Variants in RABGAP1L observed in about 807,000 individuals in gnomAD.
RABGAP1L encodes the protein RAB GTPase activating protein 1 like.
Under a neutral mutation model 137.7 loss-of-function variants are expected in RABGAP1L, and 63 were observed. The ratio of observed to expected loss-of-function variants is 0.46; its 90% CI spans 0.37 to 0.56. The LOEUF is 0.56. RABGAP1L is among the 20% of genes least tolerant of loss of function. The pLI, the probability that RABGAP1L is intolerant of heterozygous loss-of-function variation, is 0.00. For synonymous variants in RABGAP1L, 431 were observed against 433.7 expected (o/e 0.99, Z 0.08); for missense variants, 1,095 against 1,244.0 (o/e 0.88, Z 1.80).
chr1:174,753,560 G>A (rs1276077247), intron 18 of RABGAP1L, among the ~76,000 whole-genome samples: 5 of 151,926 alleles, frequency 3.3e-5, no homozygotes, highest in Non-Finnish European at 5.9e-5. Context: ...TATTTTTTAT[G>A]CCAAAGCTAT....
Position 174,470,976 on chromosome 1 carries a change from CT to C in RABGAP1L, c.1710+76837del, listed in dbSNP as rs966957462. ...AAGAGTACTGACATTACATATTAAG[CT>C]TTTTTGTATCCCCTGGGGTAACTAA... On this transcript the variant is annotated intron_variant, in intron 13 of 25. Coordinates refer to ENST00000681986, the MANE Select transcript of RABGAP1L (RefSeq NM_001366446.1). 5.3e-5 allele frequency among the ~76,000 whole-genome samples: 8 copies of C among 152,006 alleles called. No individual in the cohort carries two copies. In the East Asian group the frequency reaches 1.5e-3, roughly 29 times the overall value.
chr1:174,908,391 A>C (rs1659466681), intron 19 of RABGAP1L, among the ~76,000 whole-genome samples: 1 of 152,240 alleles, frequency 6.6e-6, no homozygotes, highest in Admixed American at 6.5e-5. Flanking sequence ...AATAGACCAT[A>C]TCTTAGACCA....
intron 19 of RABGAP1L, among the ~76,000 whole-genome samples, chr1:174,821,044 T>C (rs1690973575): frequency 6.6e-6 from 1 of 151,166 alleles, no homozygotes; most frequent in Non-Finnish European, 1.5e-5. Context: ...AAAACTGCCC[T>C]GTGCTCATAA....
At chr1:174,625,204 A>T (rs1374510599) in intron 13 of RABGAP1L, among the ~76,000 whole-genome samples, 1 of 151,938 alleles carries the variant, frequency 6.6e-6, no homozygotes, top group East Asian at 1.9e-4. Flanking sequence ...ACTTTTTACT[A>T]ACCAATCAAC....
intron 10 of RABGAP1L, among the ~76,000 whole-genome samples, chr1:174,287,488 T>A (rs1376914562): frequency 6.6e-6 from 1 of 152,206 alleles, no homozygotes; most frequent in African/African-American, 2.4e-5. Flanking sequence ...TCAGTCACTC[T>A]ATATCTTTGT....
intron 11 of RABGAP1L, among the ~76,000 whole-genome samples, chr1:174,358,788 T>C (rs1683877444): frequency 6.6e-6 from 1 of 152,236 alleles, no homozygotes; most frequent in Admixed American, 6.5e-5. Context: ...TTAATGGATT[T>C]TCCTTTGTCC....
At chr1:174,347,941 T>C (rs1682602824) in intron 11 of RABGAP1L, among the ~76,000 whole-genome samples, 1 of 152,216 alleles carries the variant, frequency 6.6e-6, no homozygotes, top group Non-Finnish European at 1.5e-5. Context: ...TCATTGGGTC[T>C]TATTTTTTAA....
intron 18 of RABGAP1L, among the ~76,000 whole-genome samples, chr1:174,785,012 C>T (rs1186384638): frequency 6.6e-6 from 1 of 152,202 alleles, no homozygotes; most frequent in Non-Finnish European, 1.5e-5. Context: ...GAATATACTA[C>T]AGTATTTCAC....
At chr1:174,843,556 CTCA>C (rs1202399488) in intron 19 of RABGAP1L, among the ~76,000 whole-genome samples, 1 of 134,824 alleles carries the variant, frequency 7.4e-6, no homozygotes, top group Non-Finnish European at 1.6e-5. Flanking sequence ...AGGACATGAA[CTCA>C]TCATTTTTTA....
intron 14 of RABGAP1L, among the ~76,000 whole-genome samples, chr1:174,674,723 A>G (rs898292790): frequency 4.2e-4 from 64 of 151,530 alleles, no homozygotes; most frequent in Non-Finnish European, 2.2e-4. Flanking sequence ...AAGTGTTCCT[A>G]TTTCTCCACA....
intron 11 of RABGAP1L, among the ~76,000 whole-genome samples, chr1:174,359,098 A>G (rs1233570974): frequency 1.3e-5 from 2 of 151,932 alleles, no homozygotes; most frequent in Non-Finnish European, 2.9e-5. Flanking sequence ...TTCTATGTAT[A>G]ATGGGATACA....
At chr1:174,318,622 TTCTTTCTTTCTTTTTC>T (rs1481091925) in intron 11 of RABGAP1L, among the ~76,000 whole-genome samples, 1 of 148,010 alleles carries the variant, frequency 6.8e-6, no homozygotes, top group African/African-American at 2.5e-5. Context: ...CTTTCTTTCT[TTCTTTCTTTCTTTTTC>T]TTTCTTTTTT....
At chr1:174,928,356 A>G (rs1213978350) in intron 19 of RABGAP1L, among the ~76,000 whole-genome samples, 3 of 151,768 alleles carry the variant, frequency 2.0e-5, no homozygotes, top group Non-Finnish European at 4.4e-5. Flanking sequence ...TTATTCATTT[A>G]TGTATTTATT....
intron 13 of RABGAP1L, among the ~76,000 whole-genome samples, chr1:174,541,345 G>T (rs1395908404): frequency 1.3e-5 from 2 of 152,192 alleles, no homozygotes; most frequent in African/African-American, 4.8e-5. Flanking sequence ...GGAGTGGTGA[G>T]AGAGGGCATC....
chr1:174,741,023 ACT>A (rs945491892), intron 17 of RABGAP1L, among the ~76,000 whole-genome samples: 44 of 140,332 alleles, frequency 3.1e-4, no homozygotes, highest in Admixed American at 2.7e-3. Context: ...TTGTCTCTTC[ACT>A]CTGTTGATTT....
chr1:174,427,132 C>T (rs994826817), intron 13 of RABGAP1L, among the ~76,000 whole-genome samples: 3 of 139,980 alleles, frequency 2.1e-5, no homozygotes, highest in African/African-American at 8.2e-5. Context: ...TAACATAAAC[C>T]TCCGCATGTT....
chr1:174,675,272 G>A (rs1417148528), intron 14 of RABGAP1L, among the ~76,000 whole-genome samples: 61 of 151,330 alleles, frequency 4.0e-4, no homozygotes, highest in African/African-American at 1.2e-3. Flanking sequence ...TGTATAAGGT[G>A]TAAGGAAGGG....
chr1:174,429,872 C>T (rs1230938198), intron 13 of RABGAP1L, among the ~76,000 whole-genome samples: 1 of 152,064 alleles, frequency 6.6e-6, no homozygotes, highest in Non-Finnish European at 1.5e-5. Context: ...CCAGCCATTT[C>T]CAGCCAAGTT....
At chr1:174,438,263 C>G (rs185981746) in intron 13 of RABGAP1L, among the ~76,000 whole-genome samples, 2 of 152,098 alleles carry the variant, frequency 1.3e-5, no homozygotes, top group Admixed American at 1.3e-4. Context: ...TTCCCAAGAT[C>G]GTTTTAGCTC....
Sources: allele counts gnomAD v4.1 joint callset (sites outside exome capture counted in the v4.1 genomes callset), GRCh38; gene constraint gnomAD v4.1.1; transcripts MANE v1.5; gene names NCBI Gene and HGNC (gene_info 2026-07-23, HGNC 2026-07-21).